XPO6: variants seen among roughly 807,000 people sequenced by gnomAD.
XPO6 encodes exportin-6.
Under a neutral mutation model 130.0 loss-of-function variants are expected in XPO6, and 3 were observed. The ratio of observed to expected loss-of-function variants is 0.02; its 90% CI spans 0.01 to 0.06. The LOEUF (loss-of-function observed/expected upper bound fraction) is 0.06, where lower values mean the gene tolerates loss of function less well. Ranked by LOEUF, XPO6 falls within the 10% of genes least tolerant of loss-of-function variation. The pLI, the probability that XPO6 is intolerant of heterozygous loss-of-function variation, is 1.00. For synonymous variants in XPO6, 524 were observed against 548.9 expected (o/e 0.95, Z 0.63); for missense variants, 970 against 1,393.0 (o/e 0.70, Z 4.83).
intron 6 of XPO6, among the ~76,000 whole-genome samples, chr16:28,158,575 GT>G (rs2043219800): frequency 6.6e-6 from 1 of 152,178 alleles, no homozygotes; most frequent in Non-Finnish European, 1.5e-5. Flanking sequence ...ATTTTTCTCA[GT>G]TTTTCTATCA....
intron 20 of XPO6, 182 bp downstream of exon 20, chr16:28,105,861 C>T (rs1302377156): frequency 1.1e-6 from 1 of 879,482 alleles, no homozygotes; most frequent in Admixed American, 2.7e-5. Context: ...CTCCAATGAA[C>T]TCAATCAATA....
At chr16:28,194,119 T>A (rs1313923090) in intron 1 of XPO6, among the ~76,000 whole-genome samples, 1 of 151,916 alleles carries the variant, frequency 6.6e-6, no homozygotes, top group Non-Finnish European at 1.5e-5. Flanking sequence ...GTACTCCCCC[T>A]CACCAAGTAG....
rs777694123 is a variant in XPO6, at chr16:28,106,005, AT to A, written c.2784+37del. 3 of 1,587,740 alleles carry A rather than the reference AT, an allele frequency of 1.9e-6. No individual in the cohort carries two copies. Among genetic ancestry groups the A allele is most frequent in the Non-Finnish European group, 2.6e-6 (3 of 1,162,232 alleles). ...ATCTCATTCCCTTCCCAATCTGGAG[AT>A]GGGGGGTGCTGCACAGGGGACCGTC... On this transcript the variant is annotated intron_variant, in intron 20 of 23. Coordinates refer to ENST00000304658, the MANE Select transcript of XPO6 (RefSeq NM_015171.4). This position sits in a 1 kb window ranked among gnomAD's most constrained non-coding sequence, Gnocchi z 4.2.
Position 28,121,761 on chromosome 16 carries a change from A to G in XPO6, c.1768T>C (p.Leu590=), listed in dbSNP as rs2087247077. Residue 590 remains leucine, a splice_region_variant and synonymous_variant, in exon 14 of 24, where the codon TTG becomes CTG. Coordinates refer to ENST00000304658, the MANE Select transcript of XPO6 (RefSeq NM_015171.4). Reference sequence around the variant, plus strand: ...GATCCGTACAGAGTGACTTTGACCAACCTGTTGGCAAAGAGGCAGGTAAAC... The same window carrying G: ...GATCCGTACAGAGTGACTTTGACCAGCCTGTTGGCAAAGAGGCAGGTAAAC... ...FNDALTVVER[L]VKVTLYGSQI... 6.2e-7 allele frequency: 1 copy of G among 1,608,168 alleles called. No individual in the cohort carries two copies. Among genetic ancestry groups the G allele is most frequent in the African/African-American group, 1.3e-5 (1 of 74,810 alleles).
chr16:28,107,630 C>G lies in XPO6; in HGVS notation c.2389G>C (p.Glu797Gln), dbSNP rs2086815628. 1.9e-6 allele frequency: 3 copies of G among 1,614,010 alleles called. No homozygotes were observed. The highest frequency in any genetic ancestry group is 2.5e-6 in the Non-Finnish European group (3 of 1,180,022). ...TTGGTGGACTCCCCCGAGATATTCTCCACAATATCTTCTAAGACGCTGAGT... is the reference window on the plus strand; with the variant it reads ...TTGGTGGACTCCCCCGAGATATTCTGCACAATATCTTCTAAGACGCTGAGT... ...QTLSVLEDIV[E>Q]NISGESTKSR... The change falls in exon 18 of 24, where the codon GAG becomes CAG. Residue 797 changes from glutamate to glutamine, a missense_variant. Physicochemically the swap from Glu to Gln is conservative, Grantham distance 29 (BLOSUM62 2). Coordinates refer to ENST00000304658, the MANE Select transcript of XPO6 (RefSeq NM_015171.4).
intron 15 of XPO6, chr16:28,116,982 G>A (rs1016762031): frequency 1.7e-5 from 4 of 233,878 alleles, no homozygotes; most frequent in African/African-American, 4.4e-5. Flanking sequence ...ATAAAATGAG[G>A]TGTGCCTGCA....
intron 17 of XPO6, among the ~76,000 whole-genome samples, chr16:28,107,916 T>C (rs972349258): frequency 6.6e-6 from 1 of 152,130 alleles, no homozygotes; most frequent in African/African-American, 2.4e-5. Context: ...GGGGAGAAGA[T>C]GCCTGCCTGC....
At chr16:28,127,742 G>A (rs563298927) in intron 12 of XPO6, among the ~76,000 whole-genome samples, 1 of 152,292 alleles carries the variant, frequency 6.6e-6, no homozygotes, top group African/African-American at 2.4e-5. Context: ...AGGAAGACAC[G>A]AGGCTGGAAG....
At chr16:28,155,351 A>C (rs2043166715) in intron 7 of XPO6, among the ~76,000 whole-genome samples, 1 of 152,160 alleles carries the variant, frequency 6.6e-6, no homozygotes, top group South Asian at 2.1e-4. Flanking sequence ...TCCTGTTTTC[A>C]TACAGCAGCA....
chr16:28,140,865 G>A (rs981018236), intron 9 of XPO6, among the ~76,000 whole-genome samples: 1 of 151,736 alleles, frequency 6.6e-6, no homozygotes, highest in African/African-American at 2.4e-5. Flanking sequence ...TATGAATAAA[G>A]AACAAATGAA....
intron 6 of XPO6, among the ~76,000 whole-genome samples, chr16:28,163,164 C>T (rs1041985661): frequency 6.6e-6 from 1 of 152,202 alleles, no homozygotes; most frequent in Non-Finnish European, 1.5e-5. Flanking sequence ...AAACTCTATT[C>T]AAGGAGCCCC....
chr16:28,157,264 C>A (rs1179352536), intron 6 of XPO6, among the ~76,000 whole-genome samples: 1 of 152,120 alleles, frequency 6.6e-6, no homozygotes, highest in African/African-American at 2.4e-5. Context: ...CAAGACCAGC[C>A]TGACCAACAT....
intron 12 of XPO6, among the ~76,000 whole-genome samples, chr16:28,131,290 G>C (rs1456866097): frequency 6.6e-6 from 1 of 152,162 alleles, no homozygotes; most frequent in African/African-American, 2.4e-5. Flanking sequence ...AGACCACCAA[G>C]GACAGCCTCG....
chr16:28,133,936 G>A lies in XPO6; in HGVS notation c.1444-3C>T, dbSNP rs1184148136. On this transcript the variant is annotated splice_region_variant and splice_polypyrimidine_tract_variant and intron_variant, in intron 10 of 23. Transcript: ENST00000304658. ...TACCGCTGCCACTCCGTCTGCTGCT[G>A]TAGGGGAAGCACAGGAGAATCAGCT... 5 of 1,613,814 alleles carry A rather than the reference G, an allele frequency of 3.1e-6. No individual in the cohort carries two copies. In the Admixed American group the frequency reaches 5.0e-5, roughly 16 times the overall value.
At position 28,119,027 on chromosome 16, in the gene XPO6, T is replaced by A. The variant is rs564721133; in HGVS notation, c.1860-1565A>T. 4.6e-5 allele frequency among the ~76,000 whole-genome samples: 7 copies of A among 152,338 alleles called. No individual in the cohort carries two copies. The South Asian group carries it at 1.5e-3, about 32-fold the overall frequency. On this transcript the variant is annotated intron_variant, in intron 14 of 23. Transcript: ENST00000304658. ...AGGTATCACTTTATTTACTTATTTA[T>A]GTTGCTGAAACAGGGTCTCGCTCTG...
At chr16:28,159,054 AC>A (rs938844196) in intron 6 of XPO6, among the ~76,000 whole-genome samples, 2 of 151,862 alleles carry the variant, frequency 1.3e-5, no homozygotes, top group Admixed American at 1.3e-4. Context: ...ACATAGCGAC[AC>A]CCCGTCTCTA....
chr16:28,144,994 T>C (rs952209635), intron 9 of XPO6, among the ~76,000 whole-genome samples: 2 of 152,226 alleles, frequency 1.3e-5, no homozygotes, highest in East Asian at 1.9e-4. Flanking sequence ...TAATCTGAAA[T>C]TGCTCTTATA....
intron 8 of XPO6, among the ~76,000 whole-genome samples, chr16:28,146,833 G>A (rs947737304): frequency 6.6e-6 from 1 of 152,200 alleles, no homozygotes; most frequent in African/African-American, 2.4e-5. Context: ...CTGATGTGGA[G>A]GAACAAAGTG....
chr16:28,152,877 T>C, intron 7 of XPO6, 92 bp from the exon 8 acceptor site: 1 of 1,490,564 alleles, frequency 6.7e-7, no homozygotes, highest in South Asian at 1.4e-5. Context: ...TACAGAACTA[T>C]ACAAATTTGT....
Sources: allele counts gnomAD v4.1 joint callset (sites outside exome capture counted in the v4.1 genomes callset), GRCh38; gene constraint gnomAD v4.1.1; non-coding constraint Gnocchi (gnomAD v3.1); transcripts MANE v1.5; gene names NCBI Gene and HGNC (gene_info 2026-07-23, HGNC 2026-07-21).